CCDC126: variants seen among roughly 807,000 people sequenced by gnomAD.
CCDC126 encodes coiled-coil domain-containing protein 126.
Under a neutral mutation model 11.7 loss-of-function variants are expected in CCDC126, and 5 were observed. That is an observed-to-expected ratio of 0.43 (90% CI 0.22 to 0.90). The LOEUF is 0.90. CCDC126 is among the 40% of genes least tolerant of loss of function. The pLI is 0.27. For missense variants in CCDC126, 150 were observed against 163.1 expected (o/e 0.92, Z 0.44); for synonymous variants, 60 against 61.9 (o/e 0.97, Z 0.14).
In CCDC126 at chr7:23,638,102, G is replaced by C. The variant is rs1199332404; in HGVS notation, c.239-4829G>C. 2.9e-5 allele frequency among the ~76,000 whole-genome samples: 4 copies of C among 139,538 alleles called. No homozygotes were observed. In the East Asian group the frequency reaches 9.1e-4, roughly 32 times the overall value. 91.5% of individuals were successfully genotyped at this position (139,538 alleles called of 152,430 possible). A position where few individuals can be genotyped will look rare whatever the true frequency, so the allele number is the denominator to read the frequency against. On this transcript the variant is annotated intron_variant, in intron 3 of 3. Coordinates refer to ENST00000307471, the MANE Select transcript of CCDC126 (RefSeq NM_138771.4). ...GTCCGGGAGGGTGGTGGGGGGGTCA[G>C]CCCCCCGCCCGGCCAGCCGCCCCAT...
At position 23,611,548 on chromosome 7, in the gene CCDC126, G is replaced by C. The variant is rs1782711429; in HGVS notation, c.233G>C (p.Gly78Ala). 8 of 1,586,046 alleles carry C rather than the reference G, an allele frequency of 5.0e-6. No individual in the cohort carries two copies. In the East Asian group the frequency reaches 8.9e-5, roughly 18 times the overall value. The change falls in exon 3 of 4, where the codon GGA (glycine) becomes GCA (alanine). Residue 78 changes from glycine to alanine, a missense_variant. By Grantham distance (60) the Gly-to-Ala change is moderately conservative (BLOSUM62 0). Transcript: ENST00000307471. Reference sequence around the variant, plus strand: ...GTCGAGAACGGTGCTTCTATGGCAGGATATGGTAAGATAACCGTAGAATAT... The same window carrying C: ...GTCGAGAACGGTGCTTCTATGGCAGCATATGGTAAGATAACCGTAGAATAT... The part of the protein sequence containing the change: ...VDVENGASMA[G>A]YADLKRTIAV...
In CCDC126 at chr7:23,640,991, G is replaced by GATTTTTTTTTTTT. The variant is rs754297249; in HGVS notation, c.239-1940_239-1939insATTTTTTTTTTTT. On this transcript the variant is annotated intron_variant, in intron 3 of 3. Coordinates refer to ENST00000307471, the MANE Select transcript of CCDC126 (RefSeq NM_138771.4). ...ATCCCTCTGAGCTCTGAATCCTTTT[G>GATTTTTTTTTTTT]GTTTTTTTTTTTTTTTTTTTTTTTG... Among the ~76,000 whole-genome samples the GATTTTTTTTTTTT allele has an allele frequency of 5.4e-5, 6 of 110,994 alleles. 2 individuals are homozygous for GATTTTTTTTTTTT. The highest frequency in any genetic ancestry group is 1.8e-5 in the Non-Finnish European group (1 of 56,282). The allele number at this position is 110,994 out of a possible 152,430, so 72.8% of individuals were successfully genotyped here. A position where few individuals can be genotyped will look rare whatever the true frequency, so the allele number is the denominator to read the frequency against.
chr7:23,629,402 C>T (rs1006139935), intron 3 of CCDC126, among the ~76,000 whole-genome samples: 4 of 152,198 alleles, frequency 2.6e-5, no homozygotes, highest in African/African-American at 9.7e-5. Context: ...ATAGTGTATA[C>T]TTTCCAGCCT....
intron 3 of CCDC126, among the ~76,000 whole-genome samples, chr7:23,618,690 A>T (rs1348715051): frequency 2.0e-5 from 3 of 151,554 alleles, no homozygotes; most frequent in Admixed American, 1.3e-4. Flanking sequence ...ACCTGGGACT[A>T]CAGGCATGCA....
intron 3 of CCDC126, chr7:23,619,539 C>T (rs577449282): frequency 4.1e-5 from 12 of 292,544 alleles, no homozygotes; most frequent in African/African-American, 2.5e-4. Context: ...CTTACTACAT[C>T]CTTGTTGATA....
At chr7:23,622,968 C>CTTTTT (rs1228157804) in intron 3 of CCDC126, 18 of 92,046 alleles carry the variant, frequency 2.0e-4, no homozygotes, top group South Asian at 6.2e-4. Flanking sequence ...TATGCTCACT[C>CTTTTT]TTTTTTTTTT....
chr7:23,639,617 T>G (rs1489061275), intron 3 of CCDC126, among the ~76,000 whole-genome samples: 1 of 152,230 alleles, frequency 6.6e-6, no homozygotes, highest in Non-Finnish European at 1.5e-5. Flanking sequence ...TTTGTAAATG[T>G]TTTTCTTGTA....
chr7:23,608,850 T>C (rs778573194), intron 2 of CCDC126, among the ~76,000 whole-genome samples: 1 of 152,236 alleles, frequency 6.6e-6, no homozygotes, highest in Non-Finnish European at 1.5e-5. Context: ...CCCATCTTAC[T>C]GAAAACTCAG....
At chr7:23,628,977 A>T (rs1252830931) in intron 3 of CCDC126, among the ~76,000 whole-genome samples, 1 of 152,092 alleles carries the variant, frequency 6.6e-6, no homozygotes, top group East Asian at 1.9e-4. Context: ...ACAAGGTGGC[A>T]CCCCTCCCCT....
chr7:23,601,695 CTTTG>C (rs1167373417), intron 2 of CCDC126, among the ~76,000 whole-genome samples: 2 of 151,966 alleles, frequency 1.3e-5, no homozygotes, highest in Admixed American at 6.6e-5. Flanking sequence ...TTTGCTGATT[CTTTG>C]TTTGATTTAA....
chr7:23,637,874 T>G (rs1783266381), intron 3 of CCDC126, among the ~76,000 whole-genome samples: 2 of 112,498 alleles, frequency 1.8e-5, no homozygotes, highest in African/African-American at 6.4e-5. Flanking sequence ...GGCCGCCCCG[T>G]CCGGGAGGTG....
At chr7:23,606,564 G>A (rs972847742) in intron 2 of CCDC126, among the ~76,000 whole-genome samples, 1 of 152,114 alleles carries the variant, frequency 6.6e-6, no homozygotes, top group Non-Finnish European at 1.5e-5. Context: ...GTGATAGTTG[G>A]ATCACACTCT....
intron 3 of CCDC126, among the ~76,000 whole-genome samples, chr7:23,623,593 C>CA (rs35474549): frequency 0.01 from 1,086 of 107,750 alleles, 4 homozygotes; most frequent in African/African-American, 0.018. Flanking sequence ...GAGACTGTCT[C>CA]AAAAAAAAAA....
intron 2 of CCDC126, among the ~76,000 whole-genome samples, chr7:23,608,103 G>T (rs866907568): frequency 5.9e-5 from 9 of 152,182 alleles, no homozygotes; most frequent in South Asian, 2.1e-4. Context: ...CCATTCCTAG[G>T]TCCTGCATAT....
At chr7:23,624,034 A>G (rs1468292109) in intron 3 of CCDC126, among the ~76,000 whole-genome samples, 1 of 152,038 alleles carries the variant, frequency 6.6e-6, no homozygotes, top group Non-Finnish European at 1.5e-5. Context: ...TCGGGGTAGG[A>G]TTCTGTGGAG....
intron 3 of CCDC126, among the ~76,000 whole-genome samples, chr7:23,639,441 T>C (rs1289182890): frequency 6.6e-6 from 1 of 152,166 alleles, no homozygotes; most frequent in Admixed American, 6.5e-5. Flanking sequence ...TGACCTCAAG[T>C]GATCCATCCT....
rs1333496350 is a variant in CCDC126, at chr7:23,642,456, A to G, written c.239-475A>G. On this transcript the variant is annotated intron_variant, in intron 3 of 3. Coordinates refer to ENST00000307471, the MANE Select transcript of CCDC126 (RefSeq NM_138771.4). ...GAAATTCCTTTTGGAAACTCTGTAA[A>G]TGATGTTGTTGATTTAAAAATTAGG... 2.6e-5 allele frequency among the ~76,000 whole-genome samples: 4 copies of G among 152,246 alleles called. No individual in the cohort carries two copies. In the East Asian group the frequency reaches 7.7e-4, roughly 29 times the overall value.
At chr7:23,637,455 CA>C in intron 3 of CCDC126, among the ~76,000 whole-genome samples, 2 of 95,174 alleles carry the variant, frequency 2.1e-5, no homozygotes, top group African/African-American at 8.1e-5. Context: ...CCCGCCCGGC[CA>C]GCCGCCCCAT....
At chr7:23,612,118 C>G (rs1436701987) in intron 3 of CCDC126, among the ~76,000 whole-genome samples, 1 of 148,624 alleles carries the variant, frequency 6.7e-6, no homozygotes, top group Non-Finnish European at 1.5e-5. Context: ...TGCACTCCAT[C>G]CTGGGTGGTA....
Sources: allele counts gnomAD v4.1 joint callset (sites outside exome capture counted in the v4.1 genomes callset), GRCh38; gene constraint gnomAD v4.1.1; transcripts MANE v1.5; gene names NCBI Gene and HGNC (gene_info 2026-07-23, HGNC 2026-07-21).